The following JAKMIP2 variants were observed in gnomAD, a reference collection of about 807,000 sequenced individuals.
JAKMIP2 encodes janus kinase and microtubule-interacting protein 2.
JAKMIP2 carries 25 observed loss-of-function variants against 115.0 expected under a neutral mutation model. That is an observed-to-expected ratio of 0.22 (90% CI 0.16 to 0.30). JAKMIP2 has a LOEUF of 0.30. Among genes scored for constraint, JAKMIP2 ranks in the 10% least tolerant of loss-of-function variants. The pLI, the probability that JAKMIP2 is intolerant of heterozygous loss-of-function variation, is 1.00. For missense variants in JAKMIP2, 642 were observed against 957.6 expected (o/e 0.67, Z 4.35); for synonymous variants, 334 against 343.6 (o/e 0.97, Z 0.31).
intron 1 of JAKMIP2, among the ~76,000 whole-genome samples, chr5:147,778,810 A>G (rs1363007433): frequency 6.6e-6 from 1 of 152,102 alleles, no homozygotes; most frequent in Non-Finnish European, 1.5e-5. Context: ...TATATCTTAT[A>G]TTCTCCAAGG....
At chr5:147,598,315 C>G (rs1437821521) in intron 21 of JAKMIP2, among the ~76,000 whole-genome samples, 2 of 152,118 alleles carry the variant, frequency 1.3e-5, no homozygotes, top group Non-Finnish European at 2.9e-5. Flanking sequence ...CTGATTTGAA[C>G]AGAGCCATGT....
chr5:147,625,196 G>C (rs1757039292), intron 16 of JAKMIP2, among the ~76,000 whole-genome samples: 1 of 152,082 alleles, frequency 6.6e-6, no homozygotes, highest in African/African-American at 2.4e-5. Flanking sequence ...CCCCAGGCTG[G>C]TCTTGAACTC....
intron 3 of JAKMIP2, among the ~76,000 whole-genome samples, chr5:147,657,044 C>A (rs1228746457): frequency 6.6e-6 from 1 of 152,110 alleles, no homozygotes; most frequent in Admixed American, 6.5e-5. Flanking sequence ...CTTTGGGAGG[C>A]CGAGGCGGGT....
intron 2 of JAKMIP2, among the ~76,000 whole-genome samples, chr5:147,664,091 T>G (rs1759175821): frequency 6.6e-6 from 1 of 152,250 alleles, no homozygotes; most frequent in Admixed American, 6.5e-5. Context: ...TTATTACAAC[T>G]GATTCTGTTT....
chr5:147,690,539 TTA>T (rs58086292), intron 1 of JAKMIP2, among the ~76,000 whole-genome samples: 5,727 of 90,204 alleles, frequency 0.063, 130 homozygotes, highest in Non-Finnish European at 0.079. Flanking sequence ...ACTAAAGAGA[TTA>T]TATATATATA....
chr5:147,725,395 C>G (rs1459421450), intron 1 of JAKMIP2, among the ~76,000 whole-genome samples: 1 of 152,148 alleles, frequency 6.6e-6, no homozygotes, highest in African/African-American at 2.4e-5. Flanking sequence ...AATAAGCTTG[C>G]TTTCATTTTA....
chr5:147,671,866 T>C lies in JAKMIP2; in HGVS notation c.-60A>G, dbSNP rs1759616511. On this transcript the variant is annotated 5_prime_UTR_variant, in exon 2 of 22. Transcript: ENST00000616793. The stretch of plus-strand genomic sequence containing the variant: ...TTTCTTTCAAGCAGGTGCTGCCATG[T>C]TACTGTTTCTTATCCTGGAGTACGA... 2 of 1,452,752 alleles carry C rather than the reference T, an allele frequency of 1.4e-6. No individual in the cohort carries two copies. Among genetic ancestry groups the C allele is most frequent in the Non-Finnish European group, 1.8e-6 (2 of 1,091,254 alleles). The allele number at this position is 1,452,752 out of a possible 1,614,324, so 90.0% of individuals were successfully genotyped here.
At chr5:147,682,759 T>C (rs2288830) in intron 1 of JAKMIP2, among the ~76,000 whole-genome samples, 30,248 of 152,124 alleles carry the variant, frequency 0.2, 4,021 homozygotes, top group East Asian at 0.45. Context: ...GAATGGCTGT[T>C]TCAGGTAAAA....
At chr5:147,637,095 A>G (rs1288783048) in intron 10 of JAKMIP2, 47 bp from the exon 11 acceptor site, 1 of 862,442 alleles carries the variant, frequency 1.2e-6, no homozygotes, top group Admixed American at 1.7e-5. Flanking sequence ...ATGGTTATTC[A>G]ATACCTTTCT....
chr5:147,591,673 T>A lies in JAKMIP2; in HGVS notation c.*34A>T, dbSNP rs1384779804. 6.3e-7 allele frequency: 1 copy of A among 1,596,104 alleles called. No individual in the cohort carries two copies. The highest frequency in any genetic ancestry group is 2.2e-5 in the East Asian group (1 of 44,660). The stretch of plus-strand genomic sequence containing the variant: ...ACTTGTCTTCCTGGGATCTTATCCA[T>A]GTTTTCGGTTACTCTGCAAAACAGA... On this transcript the variant is annotated 3_prime_UTR_variant, in exon 22 of 22. Transcript: ENST00000616793.
intron 11 of JAKMIP2, 80 bp downstream of exon 11, chr5:147,636,885 C>T (rs770977794): frequency 7.0e-5 from 59 of 844,566 alleles, no homozygotes; most frequent in Middle Eastern, 2.3e-4. Context: ...GTCCTGGGTG[C>T]GGCCCATGCA....
At chr5:147,665,242 T>C (rs1053282245) in intron 2 of JAKMIP2, among the ~76,000 whole-genome samples, 1 of 152,182 alleles carries the variant, frequency 6.6e-6, no homozygotes, top group Non-Finnish European at 1.5e-5. Flanking sequence ...CATGCTACAA[T>C]GGAGTTGAGT....
At chr5:147,775,183 G>A (rs1755510779) in intron 1 of JAKMIP2, among the ~76,000 whole-genome samples, 1 of 152,170 alleles carries the variant, frequency 6.6e-6, no homozygotes, top group Non-Finnish European at 1.5e-5. Flanking sequence ...CCGTGTGTCT[G>A]TCAAGCTAAC....
At chr5:147,639,365 G>A (rs1222287982) in intron 10 of JAKMIP2, among the ~76,000 whole-genome samples, 1 of 152,052 alleles carries the variant, frequency 6.6e-6, no homozygotes, top group Non-Finnish European at 1.5e-5. Flanking sequence ...ATCCAATATT[G>A]TCTAGCTTTG....
At chr5:147,616,806 T>C (rs923027369) in intron 19 of JAKMIP2, among the ~76,000 whole-genome samples, 1 of 152,192 alleles carries the variant, frequency 6.6e-6, no homozygotes, top group Non-Finnish European at 1.5e-5. Context: ...ATTCTCCACC[T>C]ACTTGGGTAA....
chr5:147,662,219 G>C (rs1759034461), intron 2 of JAKMIP2, among the ~76,000 whole-genome samples: 1 of 150,756 alleles, frequency 6.6e-6, no homozygotes, highest in Non-Finnish European at 1.5e-5. Context: ...CAAAACTGCA[G>C]ATCATTGGGT....
chr5:147,657,591 G>C (rs974669160), intron 3 of JAKMIP2, among the ~76,000 whole-genome samples: 4 of 152,086 alleles, frequency 2.6e-5, no homozygotes, highest in African/African-American at 9.7e-5. Flanking sequence ...ATATCCTCAA[G>C]TGTATTTTCC....
intron 1 of JAKMIP2, among the ~76,000 whole-genome samples, chr5:147,764,603 C>A (rs914932858): frequency 1.3e-5 from 2 of 151,712 alleles, no homozygotes; most frequent in Admixed American, 6.6e-5. Flanking sequence ...AAGAGCAATT[C>A]GGCTAGGGGC....
At chr5:147,618,358 T>A (rs1756687185) in intron 18 of JAKMIP2, among the ~76,000 whole-genome samples, 1 of 142,660 alleles carries the variant, frequency 7.0e-6, no homozygotes, top group Non-Finnish European at 1.5e-5. Flanking sequence ...TGTTCTTTCT[T>A]GGGACCCTGT....
Sources: gnomAD v4.1 joint callset for allele counts (sites outside exome capture counted in the v4.1 genomes callset) on GRCh38, gnomAD v4.1.1 for gene constraint, MANE v1.5 for transcripts, NCBI Gene and HGNC (gene_info 2026-07-23, HGNC 2026-07-21) for gene names.